UVRAG: variants seen among roughly 807,000 people sequenced by gnomAD.
The protein encoded by UVRAG is UV radiation resistance associated, also known as UV radiation resistance-associated gene protein.
Under a neutral mutation model 78.0 loss-of-function variants are expected in UVRAG, and 19 were observed. That is an observed-to-expected ratio of 0.24 (90% CI 0.17 to 0.36). The LOEUF (loss-of-function observed/expected upper bound fraction) is 0.36. UVRAG is among the 10% of genes least tolerant of loss of function. The probability of loss-of-function intolerance (pLI) is 1.00; values close to 1 mark genes in which losing one functional copy is unlikely to be tolerated. For synonymous variants in UVRAG, 323 were observed against 324.6 expected (o/e 1.00, Z 0.05); for missense variants, 740 against 853.8 (o/e 0.87, Z 1.66).
intron 13 of UVRAG, among the ~76,000 whole-genome samples, chr11:76,080,181 A>G (rs1054341777): frequency 1.3e-5 from 2 of 152,224 alleles, no homozygotes; most frequent in African/African-American, 2.4e-5. Flanking sequence ...AGTGGCAACC[A>G]AATTTCAACA....
intron 9 of UVRAG, among the ~76,000 whole-genome samples, chr11:76,004,510 T>A (rs1949887591): frequency 6.6e-6 from 1 of 152,206 alleles, no homozygotes; most frequent in Non-Finnish European, 1.5e-5. Flanking sequence ...TCTTCATCTT[T>A]CCAGATTGTT....
intron 4 of UVRAG, among the ~76,000 whole-genome samples, chr11:75,883,777 A>G (rs1272238754): frequency 1.3e-5 from 2 of 152,006 alleles, no homozygotes; most frequent in African/African-American, 4.8e-5. Context: ...TGAATAAAGT[A>G]TTTTTTTTAA....
At chr11:76,064,220 A>G (rs1156541222) in intron 12 of UVRAG, among the ~76,000 whole-genome samples, 1 of 152,228 alleles carries the variant, frequency 6.6e-6, no homozygotes, top group African/African-American at 2.4e-5. Context: ...AGAGATAGCT[A>G]TGGGTTTGGA....
intron 6 of UVRAG, among the ~76,000 whole-genome samples, chr11:75,932,209 G>A (rs1257120642): frequency 1.3e-5 from 2 of 151,946 alleles, no homozygotes; most frequent in Non-Finnish European, 1.5e-5. Context: ...TTAAAAATCC[G>A]CTAAGCAAAT....
chr11:76,029,472 G>A (rs1249452611), intron 12 of UVRAG, among the ~76,000 whole-genome samples: 2 of 152,102 alleles, frequency 1.3e-5, no homozygotes, highest in South Asian at 2.1e-4. Flanking sequence ...TTCTAAATGC[G>A]ATTCAGAATA....
At chr11:75,990,926 G>A (rs904512400) in intron 8 of UVRAG, among the ~76,000 whole-genome samples, 2 of 152,114 alleles carry the variant, frequency 1.3e-5, no homozygotes, top group East Asian at 1.9e-4. Flanking sequence ...TGAAAGCATC[G>A]TACTTATGCT....
At chr11:75,867,815 CA>C in intron 3 of UVRAG, among the ~76,000 whole-genome samples, 1 of 152,108 alleles carries the variant, frequency 6.6e-6, no homozygotes, top group Non-Finnish European at 1.5e-5. Flanking sequence ...TTAAATATTA[CA>C]AAATTTTTTG....
chr11:76,055,359 A>G (rs1161183833), intron 12 of UVRAG, among the ~76,000 whole-genome samples: 1 of 152,096 alleles, frequency 6.6e-6, no homozygotes, highest in African/African-American at 2.4e-5. Flanking sequence ...TTTTTCTCTT[A>G]TTATTTACTA....
intron 12 of UVRAG, among the ~76,000 whole-genome samples, chr11:76,031,725 G>A (rs1950441816): frequency 6.6e-6 from 1 of 152,168 alleles, no homozygotes; most frequent in South Asian, 2.1e-4. Context: ...AGGGGCTGGG[G>A]GGACTGGACA....
At chr11:75,988,547 T>C (rs1225005418) in intron 8 of UVRAG, among the ~76,000 whole-genome samples, 1 of 152,252 alleles carries the variant, frequency 6.6e-6, no homozygotes, top group Non-Finnish European at 1.5e-5. Flanking sequence ...TGAATTATTG[T>C]GGATAAAGCT....
At chr11:75,988,705 A>G (rs1057348658) in intron 8 of UVRAG, among the ~76,000 whole-genome samples, 7 of 152,244 alleles carry the variant, frequency 4.6e-5, no homozygotes, top group African/African-American at 1.7e-4. Context: ...CTAGCAATGT[A>G]TGAGAGTTTC....
Position 75,961,450 on chromosome 11 carries a change from T to C in UVRAG, c.600T>C (p.His200=). 1 of 1,590,334 alleles carries C rather than the reference T, an allele frequency of 6.3e-7. No individual in the cohort carries two copies. Among genetic ancestry groups the C allele is most frequent in the Non-Finnish European group, 8.5e-7 (1 of 1,174,556 alleles). The change falls in exon 7 of 15, where the codon CAT becomes CAC. Residue 200 remains histidine, a synonymous_variant. Coordinates refer to ENST00000356136, the MANE Select transcript of UVRAG (RefSeq NM_003369.4). ...SYDVFSLLRL[H]RAQCAIKQTQ... is the part of the protein sequence containing the mutation. ...CTATAACTTATATTTCTAGGCTTCA[T>C]AGAGCCCAGTGTGCAATTAAACAGA...
intron 14 of UVRAG, chr11:76,137,740 A>AG: frequency 3.2e-6 from 1 of 310,868 alleles, no homozygotes; most frequent in East Asian, 8.2e-5. Flanking sequence ...CTCTAAAAAA[A>AG]AATTAAAAAT....
intron 6 of UVRAG, among the ~76,000 whole-genome samples, chr11:75,951,365 A>ATTTTTTT (rs200501949): frequency 4.2e-5 from 6 of 141,476 alleles, no homozygotes; most frequent in African/African-American, 1.8e-4. Flanking sequence ...GTGTGTATAT[A>ATTTTTTT]TTTTTTGTTT....
At chr11:76,053,836 G>A (rs1335887470) in intron 12 of UVRAG, among the ~76,000 whole-genome samples, 3 of 152,036 alleles carry the variant, frequency 2.0e-5, no homozygotes, top group Non-Finnish European at 4.4e-5. Flanking sequence ...CACACATGGT[G>A]GCATGCGCCT....
At chr11:75,872,402 T>TC (rs1379640414) in intron 3 of UVRAG, among the ~76,000 whole-genome samples, 1 of 151,482 alleles carries the variant, frequency 6.6e-6, no homozygotes, top group African/African-American at 2.4e-5. Flanking sequence ...TTTTTTTTTT[T>TC]TTTTTAGACG....
chr11:76,104,944 A>G (rs566089329), intron 13 of UVRAG, among the ~76,000 whole-genome samples: 25 of 152,328 alleles, frequency 1.6e-4, no homozygotes, highest in African/African-American at 6.0e-4. Context: ...TGTGTTTTCC[A>G]TACATAGGAA....
intron 1 of UVRAG, among the ~76,000 whole-genome samples, chr11:75,846,985 G>A (rs1946048097): frequency 2.0e-5 from 3 of 151,898 alleles, no homozygotes; most frequent in South Asian, 2.1e-4. Flanking sequence ...CACCACGCCC[G>A]GCTAATTTTT....
intron 6 of UVRAG, chr11:75,934,879 C>T (rs1360740537): frequency 1.3e-5 from 2 of 152,108 alleles, no homozygotes; most frequent in Non-Finnish European, 2.9e-5. Flanking sequence ...TACAGGCAGG[C>T]ACATTGAAAG....
Sources: allele counts gnomAD v4.1 joint callset (sites outside exome capture counted in the v4.1 genomes callset), GRCh38; gene constraint gnomAD v4.1.1; transcripts MANE v1.5; gene names NCBI Gene and HGNC (gene_info 2026-07-23, HGNC 2026-07-21).